The following UBR1 variants were observed in gnomAD, a reference collection of about 807,000 sequenced individuals.
The protein encoded by UBR1 is ubiquitin protein ligase E3 component n-recognin 1, also known as E3 ubiquitin-protein ligase UBR1.
In UBR1, 102 loss-of-function variants were observed where a neutral mutation model predicts 242.1. The observed-to-expected ratio is 0.42, with a 90% CI of 0.36 to 0.50. UBR1 has a LOEUF of 0.50. Among genes scored for constraint, UBR1 ranks in the 20% least tolerant of loss-of-function variants. UBR1 has a pLI of 0.01. For missense variants in UBR1, 1,772 were observed against 2,101.8 expected, an observed-to-expected ratio of 0.84 and a Z score of 3.07; for synonymous variants, 675 against 684.8, an observed-to-expected ratio of 0.99 and a Z score of 0.22.
chr15:42,995,570 A>G (rs1472609612), intron 33 of UBR1, among the ~76,000 whole-genome samples: 1 of 152,078 alleles, frequency 6.6e-6, no homozygotes. Context: ...CGAGAGGTTG[A>G]GGCAGGAGAA....
chr15:43,075,699 T>G (rs181602099), intron 3 of UBR1, among the ~76,000 whole-genome samples: 2 of 151,156 alleles, frequency 1.3e-5, no homozygotes, highest in African/African-American at 4.9e-5. Context: ...CACCGCAACC[T>G]CTGCCTCCCG....
chr15:43,086,437 G>GAAA (rs370942763), intron 1 of UBR1, among the ~76,000 whole-genome samples, 197 bp from the exon 2 acceptor site: 33 of 86,058 alleles, frequency 3.8e-4, no homozygotes, highest in African/African-American at 6.4e-4. Context: ...ACCAGTATCT[G>GAAA]AAAAAAAAAA....
At chr15:43,027,958 A>G (rs2033198966) in intron 21 of UBR1, 130 bp from the exon 22 acceptor site, 1 of 822,268 alleles carries the variant, frequency 1.2e-6, no homozygotes, top group East Asian at 2.9e-5. Context: ...AATTTCCACT[A>G]TTAAAAAATT....
chr15:42,998,160 A>T lies in UBR1; in HGVS notation c.3757+8T>A. 1 of 1,607,610 alleles carries T rather than the reference A, an allele frequency of 6.2e-7. No individual in the cohort carries two copies. Among genetic ancestry groups the T allele is most frequent in the Admixed American group, 1.7e-5 (1 of 59,980 alleles). ...CACATAGCTAATATAAAATAAATTT[A>T]AGCAAACCTTTAGCATGTCTTATAT... On this transcript the variant is annotated splice_region_variant and intron_variant, in intron 33 of 46. Coordinates refer to ENST00000290650, the MANE Select transcript of UBR1 (RefSeq NM_174916.3).
intron 1 of UBR1, among the ~76,000 whole-genome samples, chr15:43,102,076 G>T (rs182930344): frequency 3.0e-4 from 45 of 151,742 alleles, no homozygotes; most frequent in African/African-American, 1.1e-3. Flanking sequence ...GGACAAAGAG[G>T]TTGCAATGAG....
chr15:42,970,590 C>A lies in UBR1; in HGVS notation c.4387G>T (p.Val1463Phe). ...TGAGCCTCTTCACTGTCTTCTTGAA[C>A]CTGAGCAAGGGGTAGGCCTGAAAAA... ...TVDTGLPLAQ[V>F]QEDSEEAHSA... is the part of the protein sequence containing the mutation. Residue 1463 changes from valine to phenylalanine, a missense_variant, in exon 40 of 47, where the codon GTT becomes TTT. Around this residue, in one of 3 missense-constraint regions of UBR1, gnomAD observed 965 missense variants for 1,079.7 expected, o/e 0.89. Transcript: ENST00000290650. 1.2e-6 allele frequency: 2 copies of A among 1,613,766 alleles called. No individual in the cohort carries two copies. The highest frequency in any genetic ancestry group is 1.7e-6 in the Non-Finnish European group (2 of 1,179,998).
At chr15:42,979,175 G>C (rs962310831) in intron 37 of UBR1, among the ~76,000 whole-genome samples, 2 of 151,658 alleles carry the variant, frequency 1.3e-5, no homozygotes, top group Admixed American at 6.6e-5. Flanking sequence ...TTACAGGCAT[G>C]AGCCACTGTG....
chr15:42,980,718 C>A (rs1001826291), intron 37 of UBR1, among the ~76,000 whole-genome samples: 1 of 152,110 alleles, frequency 6.6e-6, no homozygotes, highest in African/African-American at 2.4e-5. Context: ...AAGTGATACT[C>A]CCAACTCAGC....
intron 6 of UBR1, among the ~76,000 whole-genome samples, chr15:43,067,012 A>G (rs1372502308): frequency 6.6e-6 from 1 of 152,186 alleles, no homozygotes; most frequent in Non-Finnish European, 1.5e-5. Flanking sequence ...ATGTACTCAG[A>G]ATGGGTTACT....
chr15:43,074,511 C>T (rs1055626753), intron 4 of UBR1, among the ~76,000 whole-genome samples: 8 of 152,174 alleles, frequency 5.3e-5, no homozygotes, highest in African/African-American at 1.9e-4. Context: ...TCACTGCAAC[C>T]TCCACCTCCC....
chr15:43,033,454 A>T (rs2033284710), intron 19 of UBR1, among the ~76,000 whole-genome samples: 2 of 151,668 alleles, frequency 1.3e-5, no homozygotes, highest in African/African-American at 4.8e-5. Flanking sequence ...GACCAGCCTG[A>T]CCAACATCGT....
chr15:43,056,588 C>T (rs777722690), intron 10 of UBR1, 146 bp from the exon 11 acceptor site: 9 of 585,898 alleles, frequency 1.5e-5, no homozygotes, highest in Non-Finnish European at 2.4e-5. Flanking sequence ...ATATTATGAT[C>T]AGCAAAAATA....
At chr15:43,018,008 G>GTT (rs869188283) in intron 27 of UBR1, among the ~76,000 whole-genome samples, 9 of 138,410 alleles carry the variant, frequency 6.5e-5, no homozygotes, top group African/African-American at 1.6e-4. Flanking sequence ...TTGGTTTGTT[G>GTT]TTTTTTTTTT....
rs2031710129 is a variant in UBR1, at chr15:42,945,105, C to G, written c.*224G>C. On this transcript the variant is annotated 3_prime_UTR_variant, in exon 47 of 47. Transcript: ENST00000290650. ...GAAGGGGAATAAATTCCTGGAAATA[C>G]TAGCACATAAAACAGATTGATCTAT... The G allele has an allele frequency of 8.9e-6, 5 of 563,368 alleles. No individual in the cohort carries two copies. Among genetic ancestry groups the G allele is most frequent in the Non-Finnish European group, 1.6e-5 (5 of 321,404 alleles). 34.9% of individuals were successfully genotyped at this position (563,368 alleles called of 1,614,324 possible). A position where few individuals can be genotyped will look rare whatever the true frequency, so the allele number is the denominator to read the frequency against.
intron 14 of UBR1, among the ~76,000 whole-genome samples, chr15:43,046,496 A>C (rs762449197): frequency 6.6e-6 from 1 of 152,234 alleles, no homozygotes. Flanking sequence ...GGAAAAAGTA[A>C]TATAAGTCAG....
intron 39 of UBR1, among the ~76,000 whole-genome samples, chr15:42,976,029 C>T (rs1175918534): frequency 2.0e-5 from 3 of 152,154 alleles, no homozygotes; most frequent in Non-Finnish European, 4.4e-5. Context: ...CCAGACTTTG[C>T]TTCCTATTAA....
chr15:43,076,629 G>C (rs528531832), intron 3 of UBR1, among the ~76,000 whole-genome samples: 2 of 148,504 alleles, frequency 1.3e-5, no homozygotes, highest in Admixed American at 6.7e-5. Context: ...CTCTCTGCCC[G>C]GCCGCCCCGT....
At chr15:43,102,673 T>C (rs1188379001) in intron 1 of UBR1, among the ~76,000 whole-genome samples, 1 of 152,168 alleles carries the variant, frequency 6.6e-6, no homozygotes, top group Non-Finnish European at 1.5e-5. Context: ...ATGGACCCAA[T>C]AAACCACCCT....
Position 42,944,875 on chromosome 15 carries a change from T to C in UBR1, c.*454A>G, listed in dbSNP as rs1596069820. On this transcript the variant is annotated 3_prime_UTR_variant, in exon 47 of 47. Transcript: ENST00000290650. ...TCTTTCCCAAGTATATTGCATGGTTTCTGCAATTCTTCTTTAACTGCAAGG... is the reference window on the plus strand; with the variant it reads ...TCTTTCCCAAGTATATTGCATGGTTCCTGCAATTCTTCTTTAACTGCAAGG... 5.3e-6 allele frequency: 1 copy of C among 189,586 alleles called. No individual in the cohort carries two copies. The highest frequency in any genetic ancestry group is 1.1e-5 in the Non-Finnish European group (1 of 90,618). The allele number at this position is 189,586 out of a possible 1,614,324, so 11.7% of individuals were successfully genotyped here.
Sources: gnomAD v4.1 joint callset for allele counts (sites outside exome capture counted in the v4.1 genomes callset) on GRCh38, gnomAD v4.1.1 for gene constraint, gnomAD v4.1.1 regional missense constraint, MANE v1.5 for transcripts, NCBI Gene and HGNC (gene_info 2026-07-23, HGNC 2026-07-21) for gene names.